The following KLHL1 variants were observed in gnomAD, a reference collection of about 807,000 sequenced individuals.
The protein encoded by KLHL1 is kelch-like protein 1.
KLHL1 carries 47 observed loss-of-function variants against 77.7 expected under a neutral mutation model. The ratio of observed to expected loss-of-function variants is 0.60; its 90% CI spans 0.48 to 0.77. The LOEUF (loss-of-function observed/expected upper bound fraction) is 0.77. Ranked by LOEUF, KLHL1 falls within the 30% of genes least tolerant of loss-of-function variation. KLHL1 has a pLI of 0.00. For missense variants in KLHL1, 925 were observed against 910.8 expected (o/e 1.02, Z -0.20); for synonymous variants, 360 against 325.2 (o/e 1.11, Z -1.15).
At chr13:69,766,609 T>A (rs1213294783) in intron 7 of KLHL1, among the ~76,000 whole-genome samples, 1 of 152,084 alleles carries the variant, frequency 6.6e-6, no homozygotes, top group East Asian at 1.9e-4. Flanking sequence ...GCAGTATGTA[T>A]AAATATCCTT....
chr13:69,707,899 C>CTT, intron 9 of KLHL1, 103 bp from the exon 10 acceptor site: 3 of 838,908 alleles, frequency 3.6e-6, no homozygotes, highest in South Asian at 2.3e-5. Context: ...AGGAAACTAC[C>CTT]TTTTTTTTTC....
intron 5 of KLHL1, among the ~76,000 whole-genome samples, chr13:69,868,777 G>T (rs1440035604): frequency 6.6e-6 from 1 of 151,934 alleles, no homozygotes; most frequent in Non-Finnish European, 1.5e-5. Context: ...TTTAGAGTTT[G>T]GATTTTCAAA....
chr13:69,701,773 G>A lies in KLHL1; in HGVS notation c.2188-12C>T. 1 of 1,591,684 alleles carries A rather than the reference G, an allele frequency of 6.3e-7. No homozygotes were observed. The highest frequency in any genetic ancestry group is 1.4e-5 in the African/African-American group (1 of 74,062). ...TTCAAGGAAGCCATCTGTTAAAAAA[G>A]ATGAAACACAACTTAAGACAAGTTT... is the stretch of plus-strand genomic sequence containing the variant. On this transcript the variant is annotated splice_polypyrimidine_tract_variant and intron_variant, in intron 10 of 10. Transcript: ENST00000377844.
chr13:70,002,371 A>G (rs1347576579), intron 1 of KLHL1, among the ~76,000 whole-genome samples: 9 of 151,466 alleles, frequency 5.9e-5, no homozygotes, highest in South Asian at 2.1e-4. Flanking sequence ...AATCAATTGG[A>G]TTGGTTGGAG....
chr13:69,935,218 T>C (rs9741030), intron 4 of KLHL1, among the ~76,000 whole-genome samples: 1 of 147,420 alleles, frequency 6.8e-6, no homozygotes, highest in East Asian at 1.9e-4. Flanking sequence ...ACTGGTGAAC[T>C]TGGTACATAG....
At chr13:69,914,027 C>G (rs767609150) in intron 4 of KLHL1, among the ~76,000 whole-genome samples, 3 of 152,156 alleles carry the variant, frequency 2.0e-5, no homozygotes, top group Non-Finnish European at 4.4e-5. Flanking sequence ...CTAGTTTAGT[C>G]TTCTGGCCTA....
intron 6 of KLHL1, among the ~76,000 whole-genome samples, chr13:69,810,901 A>G (rs889982291): frequency 1.6e-4 from 24 of 152,246 alleles, no homozygotes; most frequent in African/African-American, 5.8e-4. Flanking sequence ...TCATGGAAAC[A>G]CTACCTCCCA....
At chr13:69,938,954 C>T (rs979538787) in intron 4 of KLHL1, among the ~76,000 whole-genome samples, 4 of 151,872 alleles carry the variant, frequency 2.6e-5, no homozygotes, top group African/African-American at 9.7e-5. Context: ...AAATAGCAAC[C>T]ATAAAGCTTA....
chr13:70,097,222 A>T (rs565459400), intron 1 of KLHL1, among the ~76,000 whole-genome samples: 1 of 152,156 alleles, frequency 6.6e-6, no homozygotes, highest in African/African-American at 2.4e-5. Flanking sequence ...TTAACAAGAA[A>T]AATCTTACAA....
chr13:69,940,696 T>C (rs1883336985), intron 3 of KLHL1, among the ~76,000 whole-genome samples: 1 of 151,454 alleles, frequency 6.6e-6, no homozygotes, highest in Admixed American at 6.6e-5. Flanking sequence ...AGTATTGTAC[T>C]TAACCCACTG....
intron 1 of KLHL1, among the ~76,000 whole-genome samples, chr13:70,083,128 A>G (rs1022774290): frequency 6.6e-6 from 1 of 152,234 alleles, no homozygotes; most frequent in Non-Finnish European, 1.5e-5. Flanking sequence ...CAACAAAAAA[A>G]AATCCTAGAG....
intron 1 of KLHL1, among the ~76,000 whole-genome samples, chr13:70,037,434 G>GAATC (rs1052941227): frequency 6.6e-6 from 1 of 152,032 alleles, no homozygotes; most frequent in African/African-American, 2.4e-5. Context: ...ACATTTGGTT[G>GAATC]AATCAGGGTC....
chr13:69,876,945 G>A (rs1395451398), intron 5 of KLHL1, among the ~76,000 whole-genome samples: 1 of 152,126 alleles, frequency 6.6e-6, no homozygotes, highest in Non-Finnish European at 1.5e-5. Flanking sequence ...GCTGAGGCAG[G>A]AGAATCGCTT....
chr13:70,066,282 C>T (rs190849533), intron 1 of KLHL1, among the ~76,000 whole-genome samples: 1 of 152,152 alleles, frequency 6.6e-6, no homozygotes, highest in Admixed American at 6.6e-5. Context: ...CTGTCTAAGT[C>T]ATCTAGCAAT....
At chr13:70,041,698 C>G (rs1886383278) in intron 1 of KLHL1, among the ~76,000 whole-genome samples, 1 of 152,004 alleles carries the variant, frequency 6.6e-6, no homozygotes. Context: ...TTGACACTAC[C>G]CCAGTGGAGT....
intron 6 of KLHL1, among the ~76,000 whole-genome samples, chr13:69,815,968 T>C (rs561376859): frequency 6.6e-6 from 1 of 152,058 alleles, no homozygotes; most frequent in African/African-American, 2.4e-5. Flanking sequence ...AGGCTATATT[T>C]TGTTGGTATA....
At chr13:69,905,995 C>T (rs1303541803) in intron 4 of KLHL1, among the ~76,000 whole-genome samples, 3 of 151,966 alleles carry the variant, frequency 2.0e-5, no homozygotes, top group Non-Finnish European at 2.9e-5. Flanking sequence ...ATTGATGTCC[C>T]CAAATTAATC....
chr13:69,723,656 C>T (rs1026883593), intron 8 of KLHL1, among the ~76,000 whole-genome samples: 2 of 151,978 alleles, frequency 1.3e-5, no homozygotes, highest in Non-Finnish European at 2.9e-5. Flanking sequence ...TCATTAAACC[C>T]CTCCAGCATT....
chr13:69,772,237 A>G (rs1359239586), intron 7 of KLHL1, among the ~76,000 whole-genome samples: 1 of 151,968 alleles, frequency 6.6e-6, no homozygotes, highest in Non-Finnish European at 1.5e-5. Flanking sequence ...CCCCAAAGGT[A>G]TGGTATATCT....
Sources: allele counts gnomAD v4.1 joint callset (sites outside exome capture counted in the v4.1 genomes callset), GRCh38; gene constraint gnomAD v4.1.1; transcripts MANE v1.5; gene names NCBI Gene and HGNC (gene_info 2026-07-23, HGNC 2026-07-21).